The following TSACC variants were observed in gnomAD, a reference collection of about 807,000 sequenced individuals.
TSACC encodes TSSK6-activating co-chaperone protein.
In TSACC, 3 loss-of-function variants were observed where a neutral mutation model predicts 6.9. The observed-to-expected ratio is 0.43, with a 90% confidence interval of 0.20 to 1.12. The LOEUF is 1.12. Among genes scored for constraint, TSACC ranks in the 50% most tolerant of loss-of-function variants. The pLI is 0.28. For synonymous variants in TSACC, 54 were observed against 55.1 expected (o/e 0.98, Z 0.09); for missense variants, 137 against 143.9 (o/e 0.95, Z 0.24).
intron 3 of TSACC, among the ~76,000 whole-genome samples, chr1:156,346,498 G>C (rs543378591): frequency 6.6e-5 from 10 of 152,130 alleles, no homozygotes; most frequent in Admixed American, 6.5e-4. Flanking sequence ...CAAAAATTAA[G>C]TAATTATAAA....
intron 2 of TSACC, 49 bp from the exon 3 acceptor site, chr1:156,344,531 A>G: frequency 6.3e-7 from 1 of 1,596,512 alleles, no homozygotes. Flanking sequence ...CTAATTAGAA[A>G]GGCTGTCCCT....
chr1:156,340,458 C>CTTTTT (rs1294722828), intron 2 of TSACC, among the ~76,000 whole-genome samples: 1 of 111,786 alleles, frequency 8.9e-6, no homozygotes, highest in Non-Finnish European at 1.8e-5. Flanking sequence ...CGCCCCCGGC[C>CTTTTT]TTTTTTTTTT....
intron 3 of TSACC, among the ~76,000 whole-genome samples, chr1:156,345,500 T>A (rs1666117735): frequency 6.6e-6 from 1 of 150,536 alleles, no homozygotes; most frequent in South Asian, 2.1e-4. Flanking sequence ...GAGGCGGAGG[T>A]TGCAGTGAGC....
At chr1:156,340,116 C>T (rs765360689) in intron 2 of TSACC, among the ~76,000 whole-genome samples, 1 of 152,180 alleles carries the variant, frequency 6.6e-6, no homozygotes, top group Non-Finnish European at 1.5e-5. Context: ...TTAACTTTAG[C>T]TGGATCAGAT....
upstream of TSACC, chr1:156,338,287 G>T: frequency 1.8e-6 from 2 of 1,134,906 alleles, no homozygotes; most frequent in Non-Finnish European, 2.6e-6. Context: ...CCTCCTCAGG[G>T]CTTACACCTC....
upstream of TSACC, chr1:156,338,217 T>G: frequency 6.3e-7 from 1 of 1,576,498 alleles, no homozygotes; most frequent in Non-Finnish European, 8.6e-7. Context: ...TACCCAGAGC[T>G]GGGGGAACCG....
Position 156,344,693 on chromosome 1 carries a change from A to G in TSACC, c.148A>G (p.Thr50Ala), listed in dbSNP as rs781543133. ...AGCCACTTTTCTGAACATCCAGACAACAAAGCTGCCCTCGGGTAAGGATGT... is the reference window on the plus strand; with the variant it reads ...AGCCACTTTTCTGAACATCCAGACAGCAAAGCTGCCCTCGGGTAAGGATGT... ...PPATFLNIQT[T>A]KLPSVDHKPK... The change falls in exon 3 of 4, where the codon ACA becomes GCA. Residue 50 changes from threonine (T) to alanine (A), a missense_variant. Transcript: ENST00000368254. 1.2e-6 allele frequency: 2 copies of G among 1,614,068 alleles called. No homozygotes were observed. The highest frequency in any genetic ancestry group is 1.7e-6 in the Non-Finnish European group (2 of 1,180,006).
At chr1:156,345,751 C>G (rs759837561) in intron 3 of TSACC, among the ~76,000 whole-genome samples, 12 of 151,210 alleles carry the variant, frequency 7.9e-5, no homozygotes, top group Non-Finnish European at 1.8e-4. Context: ...GCCTGTAATC[C>G]CAGCTACTTG....
intron 2 of TSACC, among the ~76,000 whole-genome samples, chr1:156,340,278 C>T (rs1665793715): frequency 6.6e-6 from 1 of 152,206 alleles, no homozygotes. Flanking sequence ...CCTGCCTCGG[C>T]CTCCTGAGTA....
chr1:156,344,408 T>G (rs1242212426), intron 2 of TSACC, among the ~76,000 whole-genome samples, 172 bp from the exon 3 acceptor site: 1 of 152,220 alleles, frequency 6.6e-6, no homozygotes, highest in African/African-American at 2.4e-5. Context: ...CCACTCCTGC[T>G]TGGTTTCTCT....
At chr1:156,343,615 C>A (rs1220687280) in intron 2 of TSACC, among the ~76,000 whole-genome samples, 1 of 152,168 alleles carries the variant, frequency 6.6e-6, no homozygotes, top group Admixed American at 6.5e-5. Flanking sequence ...GGCTCAGTCA[C>A]AGTTGCCAAG....
At chr1:156,342,970 A>G (rs564242079) in intron 2 of TSACC, among the ~76,000 whole-genome samples, 29 of 152,216 alleles carry the variant, frequency 1.9e-4, no homozygotes, top group African/African-American at 7.0e-4. Context: ...GCCCTTGTCT[A>G]CTTTGCCACT....
upstream of TSACC, chr1:156,338,157 G>A (rs775255516): frequency 2.5e-6 from 4 of 1,587,904 alleles, no homozygotes; most frequent in South Asian, 1.2e-5. Context: ...AACTCACTGA[G>A]CACGAGCACT....
intron 2 of TSACC, among the ~76,000 whole-genome samples, chr1:156,342,505 C>T (rs1244362103): frequency 1.3e-5 from 2 of 152,198 alleles, no homozygotes; most frequent in East Asian, 1.9e-4. Flanking sequence ...CTTCTGTTGC[C>T]CTCTGAGTAA....
chr1:156,342,351 C>A (rs558695509), intron 2 of TSACC, among the ~76,000 whole-genome samples: 7 of 152,230 alleles, frequency 4.6e-5, no homozygotes, highest in African/African-American at 1.4e-4. Context: ...AAGAAAAAAA[C>A]CAAAACCAAA....
intron 2 of TSACC, among the ~76,000 whole-genome samples, chr1:156,340,554 C>T (rs1228966966): frequency 2.0e-5 from 3 of 150,894 alleles, no homozygotes; most frequent in Middle Eastern, 3.5e-3. Context: ...CTCTGCCTCC[C>T]GGGTTCAAGC....
intron 2 of TSACC, among the ~76,000 whole-genome samples, chr1:156,342,999 C>A (rs910697276): frequency 8.5e-5 from 13 of 152,326 alleles, no homozygotes; most frequent in African/African-American, 3.1e-4. Context: ...ATCTTCTAGA[C>A]TCCTGAGGAG....
At chr1:156,343,693 G>T (rs1274081398) in intron 2 of TSACC, among the ~76,000 whole-genome samples, 1 of 152,124 alleles carries the variant, frequency 6.6e-6, no homozygotes, top group African/African-American at 2.4e-5. Flanking sequence ...AGAGGGGCTT[G>T]ATTGTGGTCT....
At position 156,343,756 on chromosome 1, in the gene TSACC, T is replaced by C. The variant is rs1266868716; in HGVS notation, c.35-824T>C. ...TTTTGTTGTTGTTGTTTCATTTTTTTTGAGAAGGAATCTCACCCTTGTTGC... is the reference window on the plus strand; with the variant it reads ...TTTTGTTGTTGTTGTTTCATTTTTTCTGAGAAGGAATCTCACCCTTGTTGC... On this transcript the variant is annotated intron_variant, in intron 2 of 3. Transcript: ENST00000368254. 2.6e-5 allele frequency among the ~76,000 whole-genome samples: 4 copies of C among 152,148 alleles called. No individual in the cohort carries two copies. The East Asian group carries it at 7.7e-4, about 29-fold the overall frequency.
Sources: allele counts gnomAD v4.1 joint callset (sites outside exome capture counted in the v4.1 genomes callset), GRCh38; gene constraint gnomAD v4.1.1; transcripts MANE v1.5; gene names NCBI Gene and HGNC (gene_info 2026-07-23, HGNC 2026-07-21).